NTRK2: variants seen among roughly 807,000 people sequenced by gnomAD.
The protein encoded by NTRK2 is BDNF/NT-3 growth factors receptor.
In NTRK2, 13 loss-of-function variants were observed where a neutral mutation model predicts 94.5. The ratio of observed to expected loss-of-function variants is 0.14; its 90% CI spans 0.09 to 0.22. The LOEUF (loss-of-function observed/expected upper bound fraction) is 0.22. Among genes scored for constraint, NTRK2 ranks in the 10% least tolerant of loss-of-function variants. NTRK2 has a pLI of 1.00. For synonymous variants in NTRK2, 372 were observed against 407.4 expected (o/e 0.91, Z 1.05); for missense variants, 639 against 1,071.2 (o/e 0.60, Z 5.63).
intron 16 of NTRK2, among the ~76,000 whole-genome samples, chr9:84,950,306 A>T (rs1307604235): frequency 6.6e-6 from 1 of 152,216 alleles, no homozygotes; most frequent in East Asian, 1.9e-4. Flanking sequence ...ACAGTGAGTG[A>T]TCTCCTGCAT....
intron 12 of NTRK2, among the ~76,000 whole-genome samples, chr9:84,820,961 A>G (rs78245700): frequency 0.02 from 3,096 of 152,266 alleles, 93 homozygotes; most frequent in African/African-American, 0.067. Context: ...TCTGAGGCCA[A>G]TGATTTTCCT....
chr9:84,985,215 T>C (rs1828147743), intron 17 of NTRK2, among the ~76,000 whole-genome samples: 1 of 152,244 alleles, frequency 6.6e-6, no homozygotes, highest in Non-Finnish European at 1.5e-5. Flanking sequence ...TGCGTCCTTT[T>C]CTATGAGTGA....
At chr9:84,699,941 A>C (rs2060621951) in intron 2 of NTRK2, among the ~76,000 whole-genome samples, 1 of 152,204 alleles carries the variant, frequency 6.6e-6, no homozygotes, top group Non-Finnish European at 1.5e-5. Context: ...AAGTAACAAA[A>C]AGTTAAAGAT....
chr9:84,703,460 T>C (rs2060853912), intron 4 of NTRK2, among the ~76,000 whole-genome samples: 1 of 152,186 alleles, frequency 6.6e-6, no homozygotes, highest in Non-Finnish European at 1.5e-5. Context: ...TCCATGTTCT[T>C]ACAATAAGAG....
chr9:84,948,345 C>G, intron 15 of NTRK2, 117 bp from the exon 16 acceptor site: 1 of 1,052,082 alleles, frequency 9.5e-7, no homozygotes, highest in South Asian at 1.4e-5. Context: ...AATGTTATTT[C>G]CTTAGGAACT....
At chr9:84,874,426 G>A (rs1476667067) in intron 14 of NTRK2, 2 of 1,065,708 alleles carry the variant, frequency 1.9e-6, no homozygotes, top group Non-Finnish European at 2.3e-6. Flanking sequence ...GCCTGTGAGA[G>A]TAACCACCGT....
intron 14 of NTRK2, chr9:84,874,681 C>G: frequency 9.4e-7 from 1 of 1,062,250 alleles, no homozygotes; most frequent in Non-Finnish European, 1.1e-6. Context: ...AGGAATCTCT[C>G]TCCTTGGACT....
chr9:84,922,522 G>C (rs1331151269), intron 14 of NTRK2, among the ~76,000 whole-genome samples: 1 of 152,198 alleles, frequency 6.6e-6, no homozygotes, highest in African/African-American at 2.4e-5. Context: ...TCTATAGGGA[G>C]AGACTGTGTG....
intron 5 of NTRK2, among the ~76,000 whole-genome samples, chr9:84,709,488 C>G (rs940163635): frequency 1.3e-5 from 2 of 152,064 alleles, no homozygotes; most frequent in African/African-American, 2.4e-5. Flanking sequence ...TGGAGGGATA[C>G]TTGGAGGCGA....
At chr9:84,773,475 T>C (rs2066746236) in intron 12 of NTRK2, among the ~76,000 whole-genome samples, 1 of 152,202 alleles carries the variant, frequency 6.6e-6, no homozygotes, top group South Asian at 2.1e-4. Flanking sequence ...GAGGGATTAG[T>C]GCGGGGTTCC....
At chr9:84,951,640 G>A (rs2078786636) in intron 16 of NTRK2, among the ~76,000 whole-genome samples, 1 of 152,088 alleles carries the variant, frequency 6.6e-6, no homozygotes, top group South Asian at 2.1e-4. Flanking sequence ...GAAGGAACAG[G>A]CACCTGGTTC....
intron 13 of NTRK2, among the ~76,000 whole-genome samples, chr9:84,866,159 G>T (rs2075583059): frequency 1.3e-5 from 2 of 152,156 alleles, no homozygotes; most frequent in African/African-American, 2.4e-5. Context: ...ATCCATTATT[G>T]TTATAAAAGT....
chr9:84,772,818 C>T (rs887484822), intron 12 of NTRK2, among the ~76,000 whole-genome samples: 28 of 152,000 alleles, frequency 1.8e-4, no homozygotes, highest in African/African-American at 6.0e-4. Context: ...CATGAAGGCT[C>T]GTGTTGGGGT....
At chr9:84,725,764 C>T (rs1189223079) in intron 8 of NTRK2, among the ~76,000 whole-genome samples, 1 of 151,486 alleles carries the variant, frequency 6.6e-6, no homozygotes, top group Non-Finnish European at 1.5e-5. Context: ...CTTTTGTTTT[C>T]CAAAGACTAT....
intron 14 of NTRK2, among the ~76,000 whole-genome samples, chr9:84,880,668 G>A (rs1316177961): frequency 6.6e-6 from 1 of 152,206 alleles, no homozygotes; most frequent in African/African-American, 2.4e-5. Flanking sequence ...ATATTCTTGA[G>A]CACTTTGTGA....
chr9:84,994,104 G>A (rs944991302), intron 17 of NTRK2, among the ~76,000 whole-genome samples: 1 of 152,024 alleles, frequency 6.6e-6, no homozygotes, highest in African/African-American at 2.4e-5. Context: ...AGCGCAACAT[G>A]GAGACTTTCA....
intron 14 of NTRK2, among the ~76,000 whole-genome samples, chr9:84,922,068 A>C (rs550197526): frequency 6.6e-6 from 1 of 152,182 alleles, no homozygotes; most frequent in South Asian, 2.1e-4. Context: ...TGAAGATATG[A>C]CTTAGTGATA....
Position 85,022,780 on chromosome 9 carries a change from G to A in NTRK2, c.*1343G>A, listed in dbSNP as rs199821910. 7.3e-5 allele frequency: 17 copies of A among 233,210 alleles called. No individual in the cohort carries two copies. Among genetic ancestry groups the A allele is most frequent in the South Asian group, 1.8e-4 (1 of 5,524 alleles). The allele number at this position is 233,210 out of a possible 1,614,324, so 14.4% of individuals were successfully genotyped here. On this transcript the variant is annotated 3_prime_UTR_variant, in exon 19 of 19. Coordinates refer to ENST00000277120, the MANE Select transcript of NTRK2 (RefSeq NM_006180.6). The stretch of plus-strand genomic sequence containing the variant: ...ATTAGCTGAGTATCAATGTCTCTGC[G>A]TTGTACGGTGGTGATGGGTTTTAAT...
At chr9:84,851,882 G>A (rs929943788) in intron 12 of NTRK2, among the ~76,000 whole-genome samples, 1 of 152,154 alleles carries the variant, frequency 6.6e-6, no homozygotes, top group Non-Finnish European at 1.5e-5. Flanking sequence ...AAAAGAATTT[G>A]CATGTTTTAT....
Sources: gnomAD v4.1 joint callset for allele counts (sites outside exome capture counted in the v4.1 genomes callset) on GRCh38, gnomAD v4.1.1 for gene constraint, MANE v1.5 for transcripts, NCBI Gene and HGNC (gene_info 2026-07-23, HGNC 2026-07-21) for gene names.